The following CCDC68 variants were observed in gnomAD, a reference collection of about 807,000 sequenced individuals.
CCDC68 encodes coiled-coil domain-containing protein 68.
CCDC68 carries 45 observed loss-of-function variants against 47.1 expected under a neutral mutation model. The ratio of observed to expected loss-of-function variants is 0.96; its 90% CI spans 0.75 to 1.23. The LOEUF is 1.23. Among genes scored for constraint, CCDC68 ranks in the 50% most tolerant of loss-of-function variants. The pLI, the probability that CCDC68 is intolerant of heterozygous loss-of-function variation, is 0.00. For missense variants in CCDC68, 353 were observed against 373.6 expected, an observed-to-expected ratio of 0.94 and a Z score of 0.45; for synonymous variants, 131 against 129.5, an observed-to-expected ratio of 1.01 and a Z score of -0.08.
chr18:54,949,893 T>A (rs530044097), intron 1 of CCDC68, among the ~76,000 whole-genome samples: 8 of 151,968 alleles, frequency 5.3e-5, no homozygotes, highest in Non-Finnish European at 1.0e-4. Flanking sequence ...TGACACAGAG[T>A]GGTGCTTCAT....
rs2044519804 is a variant in CCDC68 at position 54,946,063 on chromosome 18, G to GAAAT, written c.-102-587_-102-586insATTT. Among the ~76,000 whole-genome samples the GAAAT allele has an allele frequency of 3.9e-5, 6 of 152,108 alleles. No homozygotes were observed. The South Asian group carries it at 1.2e-3, about 32-fold the overall frequency. ...ATCAAAAGAAGAATAACATTTCATGGCACATGAAAATTATATGAATTTCAA... is the reference window on the plus strand; with the variant it reads ...ATCAAAAGAAGAATAACATTTCATGGAAATCACATGAAAATTATATGAATTTCAA... On this transcript the variant is annotated intron_variant, in intron 1 of 11. Coordinates refer to ENST00000591504, the MANE Select transcript of CCDC68 (RefSeq NM_025214.3).
rs1201405503 is a variant in CCDC68 at position 54,902,582 on chromosome 18, G to C, written c.*1776C>G. 6.6e-6 allele frequency: 1 copy of C among 151,936 alleles called. No homozygotes were observed. Among genetic ancestry groups the C allele is most frequent in the Non-Finnish European group, 1.5e-5 (1 of 68,016 alleles). The allele number at this position is 151,936 out of a possible 1,614,324, so 9.4% of individuals were successfully genotyped here. A position where few individuals can be genotyped will look rare whatever the true frequency, so the allele number is the denominator to read the frequency against. ...TTTAGCAGGGAAGTTTGTCTGAACT[G>C]AGTTCTCACAATGGTAGTCCAGCTG... On this transcript the variant is annotated 3_prime_UTR_variant, in exon 12 of 12. Coordinates refer to ENST00000591504, the MANE Select transcript of CCDC68 (RefSeq NM_025214.3).
rs778523997 is a variant in CCDC68, at chr18:54,942,784, G to C, written c.8C>G (p.Thr3Arg). The C allele has an allele frequency of 6.3e-7, 1 of 1,595,778 alleles. No homozygotes were observed. Among genetic ancestry groups the C allele is most frequent in the African/African-American group, 1.3e-5 (1 of 74,434 alleles). The change falls in exon 3 of 12, where the codon ACA becomes AGA. Residue 3 changes from threonine to arginine, a missense_variant. By Grantham distance (71) the Thr-to-Arg change is moderately conservative. Transcript: ENST00000591504. ...GGGAATTTCTGTGGTCACTGTCACTGTTGTCATTGTGAATTCTGGCTTTAG... is the reference window on the plus strand; with the variant it reads ...GGGAATTTCTGTGGTCACTGTCACTCTTGTCATTGTGAATTCTGGCTTTAG... The part of the protein sequence containing the change: MT[T>R]VTVTTEIPPR...
rs181977755 is a variant in CCDC68, at chr18:54,941,920, T to G, written c.117+755A>C. On this transcript the variant is annotated intron_variant, in intron 3 of 11. Coordinates refer to ENST00000591504, the MANE Select transcript of CCDC68 (RefSeq NM_025214.3). The stretch of plus-strand genomic sequence containing the variant: ...AAGCGATTCTCCTGCCTCAGCCTCC[T>G]GAGTAGTTGAGATTACAGGCACCCA... 3.6e-3 allele frequency among the ~76,000 whole-genome samples: 555 copies of G among 152,224 alleles called. 7 individuals carry two copies. Among genetic ancestry groups the G allele is most frequent in the African/African-American group, 0.013 (526 of 41,562 alleles).
At chr18:54,929,471 T>C (rs1347570909) in intron 7 of CCDC68, among the ~76,000 whole-genome samples, 1 of 152,210 alleles carries the variant, frequency 6.6e-6, no homozygotes, top group Non-Finnish European at 1.5e-5. Context: ...ATTTGATTAT[T>C]AAGCCAAAGC....
chr18:54,955,512 A>G (rs1461673891), intron 1 of CCDC68, among the ~76,000 whole-genome samples: 1 of 152,190 alleles, frequency 6.6e-6, no homozygotes, highest in Non-Finnish European at 1.5e-5. Flanking sequence ...TCTTCCTAAG[A>G]GGATATTTAA....
chr18:54,953,551 TA>T (rs1568166345), intron 1 of CCDC68, among the ~76,000 whole-genome samples: 167 of 150,614 alleles, frequency 1.1e-3, no homozygotes, highest in African/African-American at 3.9e-3. Context: ...TATATATATA[TA>T]GAGAGAGAGA....
At chr18:54,909,069 T>C (rs1299025262) in intron 10 of CCDC68, among the ~76,000 whole-genome samples, 7 of 152,202 alleles carry the variant, frequency 4.6e-5, no homozygotes, top group Non-Finnish European at 1.0e-4. Flanking sequence ...CCCCACATCC[T>C]ATTCATGCAG....
chr18:54,922,860 C>T (rs1212975451), intron 8 of CCDC68, among the ~76,000 whole-genome samples: 2 of 151,696 alleles, frequency 1.3e-5, no homozygotes, highest in Admixed American at 1.3e-4. Flanking sequence ...TGGTGGCATG[C>T]GCCTGTAATC....
intron 4 of CCDC68, 127 bp downstream of exon 4, chr18:54,940,870 G>T (rs889662919): frequency 1.7e-5 from 11 of 640,712 alleles, no homozygotes; most frequent in Non-Finnish European, 3.0e-5. Flanking sequence ...GGCCATTAAC[G>T]TCTTTAGATA....
At chr18:54,949,404 C>T (rs762941072) in intron 1 of CCDC68, among the ~76,000 whole-genome samples, 3 of 152,150 alleles carry the variant, frequency 2.0e-5, no homozygotes, top group African/African-American at 4.8e-5. Context: ...TTTGAGGCTT[C>T]GTTTGCCTAA....
chr18:54,931,191 G>A (rs1393452546), intron 7 of CCDC68, among the ~76,000 whole-genome samples: 2 of 152,156 alleles, frequency 1.3e-5, no homozygotes, highest in African/African-American at 2.4e-5. Flanking sequence ...CCAGACAACC[G>A]GACAAGTAAA....
chr18:54,937,295 A>C (rs2044365769), intron 5 of CCDC68: 1 of 205,876 alleles, frequency 4.9e-6, no homozygotes, highest in Non-Finnish European at 9.8e-6. Flanking sequence ...TTTTATCATT[A>C]ATGTCCATAA....
chr18:54,957,633 T>A (rs772271004), intron 1 of CCDC68, among the ~76,000 whole-genome samples: 2,505 of 149,842 alleles, frequency 0.017, 68 homozygotes, highest in African/African-American at 0.059. Flanking sequence ...ACACACTCTC[T>A]CTCTCTCTCT....
At chr18:54,928,015 C>T (rs1432032477) in intron 8 of CCDC68, among the ~76,000 whole-genome samples, 1 of 152,118 alleles carries the variant, frequency 6.6e-6, no homozygotes, top group Non-Finnish European at 1.5e-5. Context: ...GTGCCTGATA[C>T]CCTAGTGAAC....
At chr18:54,936,696 C>CACACCGCT in intron 6 of CCDC68, 137 bp downstream of exon 6, 1 of 1,046,198 alleles carries the variant, frequency 9.6e-7, no homozygotes, top group Non-Finnish European at 1.4e-6. Flanking sequence ...AAGAGACAAG[C>CACACCGCT]ACACCGCTTC....
At chr18:54,943,243 G>A (rs963116437) in intron 2 of CCDC68, among the ~76,000 whole-genome samples, 1 of 151,998 alleles carries the variant, frequency 6.6e-6, no homozygotes, top group Non-Finnish European at 1.5e-5. Flanking sequence ...ACTATTAGGA[G>A]AACTAATAGT....
intron 10 of CCDC68, among the ~76,000 whole-genome samples, chr18:54,911,668 C>T (rs976308940): frequency 6.6e-6 from 1 of 152,138 alleles, no homozygotes; most frequent in African/African-American, 2.4e-5. Context: ...AAAAAAGTCC[C>T]TCTCTATAGT....
chr18:54,958,770 A>T (rs2044754408), intron 1 of CCDC68, among the ~76,000 whole-genome samples: 1 of 152,210 alleles, frequency 6.6e-6, no homozygotes, highest in Non-Finnish European at 1.5e-5. Context: ...TAACTTCCAC[A>T]TCTAAAATAT....
Sources: gnomAD v4.1 joint callset for allele counts (sites outside exome capture counted in the v4.1 genomes callset) on GRCh38, gnomAD v4.1.1 for gene constraint, MANE v1.5 for transcripts, NCBI Gene and HGNC (gene_info 2026-07-23, HGNC 2026-07-21) for gene names.